Variants in GRIN2A observed in about 807,000 individuals in gnomAD.
The protein encoded by GRIN2A is glutamate ionotropic receptor NMDA type subunit 2A, also known as glutamate receptor ionotropic, NMDA 2A.
In GRIN2A, 22 loss-of-function variants were observed where a neutral mutation model predicts 113.4. The observed-to-expected ratio is 0.19, with a 90% CI of 0.14 to 0.28. GRIN2A has a LOEUF of 0.28. Ranked by LOEUF, GRIN2A falls within the 10% of genes least tolerant of loss-of-function variation. The pLI, the probability that GRIN2A is intolerant of heterozygous loss-of-function variation, is 1.00. For synonymous variants in GRIN2A, 827 were observed against 738.4 expected (o/e 1.12, Z -1.94); for missense variants, 1,502 against 1,887.0 (o/e 0.80, Z 3.78).
chr16:10,121,947 G>C (rs964582704), intron 2 of GRIN2A, among the ~76,000 whole-genome samples: 3 of 152,164 alleles, frequency 2.0e-5, no homozygotes, highest in African/African-American at 4.8e-5. Flanking sequence ...GCAAACAAGA[G>C]AGAAGCATGG....
intron 2 of GRIN2A, among the ~76,000 whole-genome samples, chr16:10,053,920 G>T (rs2141991437): frequency 6.6e-6 from 1 of 151,856 alleles, no homozygotes; most frequent in Non-Finnish European, 1.5e-5. Flanking sequence ...ATCCTACGTG[G>T]ATAAAGCAGA....
intron 4 of GRIN2A, among the ~76,000 whole-genome samples, chr16:9,867,788 G>C (rs28515206): frequency 0.028 from 4,219 of 151,970 alleles, 195 homozygotes; most frequent in African/African-American, 0.097. Context: ...CATCTGACTT[G>C]TCTTTCCTCT....
chr16:10,034,134 C>T (rs1037188038), intron 2 of GRIN2A, among the ~76,000 whole-genome samples: 2 of 152,178 alleles, frequency 1.3e-5, no homozygotes, highest in Non-Finnish European at 2.9e-5. Context: ...GGTCCACCTT[C>T]TCTGCAACCA....
intron 12 of GRIN2A, among the ~76,000 whole-genome samples, chr16:9,768,023 T>C (rs936182055): frequency 1.3e-5 from 2 of 152,222 alleles, no homozygotes; most frequent in African/African-American, 4.8e-5. Flanking sequence ...TGGCTCTGTC[T>C]GGCCCAGTGT....
chr16:9,849,323 GT>G (rs1422805167), intron 5 of GRIN2A, among the ~76,000 whole-genome samples: 1 of 149,882 alleles, frequency 6.7e-6, no homozygotes, highest in Non-Finnish European at 1.5e-5. Context: ...TTTTGAATAT[GT>G]ATGTTCAAAA....
At chr16:10,064,357 C>G (rs1245410259) in intron 2 of GRIN2A, among the ~76,000 whole-genome samples, 4 of 152,200 alleles carry the variant, frequency 2.6e-5, no homozygotes, top group Admixed American at 6.5e-5. Flanking sequence ...TGTCACTGGT[C>G]TAACCTCATC....
In GRIN2A at chr16:10,001,747, T is replaced by C. The variant is rs145279705; in HGVS notation, c.415-63196A>G. Reference sequence around the variant, plus strand: ...AAGCCTGAGTCACATGGCCTGCTTTTACCAAAGGACATGAAATTCATGGGG... The same window carrying C: ...AAGCCTGAGTCACATGGCCTGCTTTCACCAAAGGACATGAAATTCATGGGG... On this transcript the variant is annotated intron_variant, in intron 2 of 12. Transcript: ENST00000330684. 1.5e-3 allele frequency among the ~76,000 whole-genome samples: 229 copies of C among 152,288 alleles called. 3 individuals are homozygous for C. The highest frequency in any genetic ancestry group is 5.4e-3 in the African/African-American group (224 of 41,560).
intron 4 of GRIN2A, among the ~76,000 whole-genome samples, chr16:9,889,931 G>A (rs1319648323): frequency 6.6e-6 from 1 of 152,128 alleles, no homozygotes; most frequent in Non-Finnish European, 1.5e-5. Flanking sequence ...TTTTATAGTT[G>A]CTGGGTGTAG....
intron 2 of GRIN2A, among the ~76,000 whole-genome samples, chr16:9,940,776 C>A (rs941863980): frequency 3.3e-5 from 5 of 152,146 alleles, no homozygotes; most frequent in Non-Finnish European, 7.4e-5. Flanking sequence ...CATCCAATAC[C>A]CAACCTATAT....
intron 2 of GRIN2A, among the ~76,000 whole-genome samples, chr16:10,120,950 C>T (rs2048821721): frequency 1.3e-5 from 2 of 152,126 alleles, no homozygotes; most frequent in South Asian, 4.1e-4. Flanking sequence ...GGCATCTTTT[C>T]AGCCCCTGTA....
intron 4 of GRIN2A, among the ~76,000 whole-genome samples, chr16:9,875,979 C>T (rs1433347236): frequency 6.6e-6 from 1 of 152,144 alleles, no homozygotes; most frequent in African/African-American, 2.4e-5. Context: ...GGTAGAAGAG[C>T]TGAGGCAGGA....
chr16:10,087,548 G>T (rs905931195), intron 2 of GRIN2A, among the ~76,000 whole-genome samples: 1 of 152,198 alleles, frequency 6.6e-6, no homozygotes, highest in African/African-American at 2.4e-5. Context: ...ACTGGAACAA[G>T]AAATCAACTT....
chr16:9,901,242 C>T (rs1227276081), intron 3 of GRIN2A, among the ~76,000 whole-genome samples: 1 of 152,036 alleles, frequency 6.6e-6, no homozygotes, highest in Non-Finnish European at 1.5e-5. Context: ...TTTTTGTTTT[C>T]TTTCGTTTTT....
chr16:10,175,881 T>C (rs1000591176), intron 2 of GRIN2A, among the ~76,000 whole-genome samples: 1 of 152,172 alleles, frequency 6.6e-6, no homozygotes, highest in Admixed American at 6.6e-5. Context: ...CCAGGGACTA[T>C]TACTGCAGCT....
chr16:10,118,407 T>C (rs1034369872), intron 2 of GRIN2A, among the ~76,000 whole-genome samples: 2 of 152,122 alleles, frequency 1.3e-5, no homozygotes, highest in Admixed American at 6.6e-5. Flanking sequence ...GCGACATCAA[T>C]GTACTGCTGT....
At chr16:9,769,260 A>G in intron 11 of GRIN2A, 171 bp from the exon 12 acceptor site, 2 of 611,876 alleles carry the variant, frequency 3.3e-6, no homozygotes, top group Non-Finnish European at 5.9e-6. Flanking sequence ...GATAATAATG[A>G]TTACATAGCC....
At chr16:9,803,439 A>G (rs1158715196) in intron 10 of GRIN2A, among the ~76,000 whole-genome samples, 1 of 152,122 alleles carries the variant, frequency 6.6e-6, no homozygotes, top group Non-Finnish European at 1.5e-5. Context: ...AGAAAGAAAA[A>G]TGGAGCCAAC....
chr16:10,089,541 G>T (rs2048146222), intron 2 of GRIN2A, among the ~76,000 whole-genome samples: 1 of 152,232 alleles, frequency 6.6e-6, no homozygotes, highest in Non-Finnish European at 1.5e-5. Flanking sequence ...GTAATGATGA[G>T]GTTGAGGTCT....
chr16:9,837,779 G>T (rs575095922), intron 7 of GRIN2A, among the ~76,000 whole-genome samples: 1 of 152,140 alleles, frequency 6.6e-6, no homozygotes, highest in East Asian at 1.9e-4. Context: ...GGCATAGTGA[G>T]GCTCTCTTAT....
Sources: gnomAD v4.1 joint callset for allele counts (sites outside exome capture counted in the v4.1 genomes callset) on GRCh38, gnomAD v4.1.1 for gene constraint, MANE v1.5 for transcripts, NCBI Gene and HGNC (gene_info 2026-07-23, HGNC 2026-07-21) for gene names.